The following ACOD1 variants were observed in gnomAD, a reference collection of about 807,000 sequenced individuals.
ACOD1 encodes the protein aconitate decarboxylase 1.
ACOD1 carries 14 observed loss-of-function variants against 14.2 expected under a neutral mutation model. That is an observed-to-expected ratio of 0.99 (90% CI 0.65 to 1.54). ACOD1 has a LOEUF of 1.54. ACOD1 is among the 40% of genes most tolerant of loss of function. The pLI, the probability that ACOD1 is intolerant of heterozygous loss-of-function variation, is 0.00. For synonymous variants in ACOD1, 182 were observed against 221.7 expected (o/e 0.82, Z 1.59); for missense variants, 530 against 586.3 (o/e 0.90, Z 0.99).
chr13:76,955,842 G>A (rs954209494), intron 4 of ACOD1, among the ~76,000 whole-genome samples: 10 of 152,122 alleles, frequency 6.6e-5, no homozygotes, highest in Non-Finnish European at 1.0e-4. Flanking sequence ...ACTAGCTAGC[G>A]TCCCTCAGAC....
intron 2 of ACOD1, among the ~76,000 whole-genome samples, chr13:76,952,856 G>A: frequency 6.6e-6 from 1 of 152,176 alleles, no homozygotes. Context: ...TACACAGTGA[G>A]GCACAGTGGC....
chr13:76,953,664 A>G lies in ACOD1; in HGVS notation c.239A>G (p.Tyr80Cys). ...CCAGACATCAGGCTCCCGCCCACATATGCTGCTTTTGTGAACGGTGTGGCT... is the reference window on the plus strand; with the variant it reads ...CCAGACATCAGGCTCCCGCCCACATGTGCTGCTTTTGTGAACGGTGTGGCT... Reference protein sequence around the residue: ...GQPDIRLPPTYAAFVNGVAIH... With the variant: ...GQPDIRLPPTCAAFVNGVAIH... The change falls in exon 3 of 5, where the codon TAT (tyrosine) becomes TGT (cysteine). Residue 80 changes from tyrosine to cysteine, a missense_variant. Tyr to Cys is a radical substitution (Grantham distance 194). Coordinates refer to ENST00000377462, the MANE Select transcript of ACOD1 (RefSeq NM_001258406.2). 1 of 1,547,904 alleles carries G rather than the reference A, an allele frequency of 6.5e-7. No homozygotes were observed. Among genetic ancestry groups the G allele is most frequent in the South Asian group, 1.2e-5 (1 of 83,966 alleles).
At chr13:76,953,204 T>C (rs1222112083) in intron 2 of ACOD1, among the ~76,000 whole-genome samples, 2 of 152,212 alleles carry the variant, frequency 1.3e-5, no homozygotes, top group Admixed American at 6.5e-5. Context: ...TTTATTATTA[T>C]TATTCTCTGG....
chr13:76,957,927 C>A lies in ACOD1; in HGVS notation c.1388C>A (p.Pro463Gln). ...ACTACACTTCTCAAAGGACCCTCTC[C>A]ACCAGAGGTAGCTTCAAACTCTCCA... Reference protein sequence around the residue: ...VLTTLLKGPSPPEVASNSPAC... With the variant: ...VLTTLLKGPSQPEVASNSPAC... The change falls in exon 5 of 5, where the codon CCA becomes CAA. Residue 463 changes from proline to glutamine, a missense_variant. Coordinates refer to ENST00000377462, the MANE Select transcript of ACOD1 (RefSeq NM_001258406.2). 1 of 1,548,636 alleles carries A rather than the reference C, an allele frequency of 6.5e-7. No individual in the cohort carries two copies. The highest frequency in any genetic ancestry group is 8.7e-7 in the Non-Finnish European group (1 of 1,146,324).
chr13:76,951,200 A>G (rs942087103), intron 1 of ACOD1, among the ~76,000 whole-genome samples: 8 of 152,188 alleles, frequency 5.3e-5, no homozygotes, highest in Non-Finnish European at 1.2e-4. Context: ...TATTTACACC[A>G]TATCCCATAT....
chr13:76,956,327 A>G (rs1020530518), intron 4 of ACOD1, among the ~76,000 whole-genome samples: 4 of 151,872 alleles, frequency 2.6e-5, no homozygotes, highest in African/African-American at 9.7e-5. Context: ...TCAGCCTCCC[A>G]AGTAGCTGGG....
At chr13:76,956,669 C>T (rs560342696) in intron 4 of ACOD1, among the ~76,000 whole-genome samples, 30 of 152,248 alleles carry the variant, frequency 2.0e-4, no homozygotes, top group Non-Finnish European at 3.4e-4. Flanking sequence ...CCCACCACCA[C>T]ATCCGGCAAA....
At chr13:76,949,633 C>T (rs1208668088) in intron 1 of ACOD1, among the ~76,000 whole-genome samples, 12 of 152,122 alleles carry the variant, frequency 7.9e-5, no homozygotes, top group Non-Finnish European at 1.5e-4. Flanking sequence ...TCCCCCACTG[C>T]TCCCCAGTCT....
rs2033863554 is a variant in ACOD1 at position 76,955,306 on chromosome 13, T to C, written c.265-13T>C. 6.5e-7 allele frequency: 1 copy of C among 1,548,212 alleles called. No homozygotes were observed. Among genetic ancestry groups the C allele is most frequent in the Non-Finnish European group, 8.7e-7 (1 of 1,145,866 alleles). On this transcript the variant is annotated splice_polypyrimidine_tract_variant and intron_variant, in intron 3 of 4. Coordinates refer to ENST00000377462, the MANE Select transcript of ACOD1 (RefSeq NM_001258406.2). ...TTAAGGCTTTTTGTTGCTGTTTGTGTCTGTTTATACAGATTCACTCCATGG... is the reference window on the plus strand; with the variant it reads ...TTAAGGCTTTTTGTTGCTGTTTGTGCCTGTTTATACAGATTCACTCCATGG...
Position 76,957,517 on chromosome 13 carries a change from G to A in ACOD1, c.978G>A (p.Ser326=), listed in dbSNP as rs7995462. ...ATGTAAACAGGCCCTTTCCAGTTTC[G>A]GAGCATGAAGCCCGTCATTCATTCC... is the stretch of plus-strand genomic sequence containing the variant. ...VQYVNRPFPV[S]EHEARHSFQY... is the part of the protein sequence containing the mutation. Residue 326 remains serine (S), a synonymous_variant, in exon 5 of 5, where the codon TCG becomes TCA. Coordinates refer to ENST00000377462, the MANE Select transcript of ACOD1 (RefSeq NM_001258406.2). 41,299 of 1,550,530 alleles carry A rather than the reference G, an allele frequency of 0.027. 650 individuals are homozygous for A. The highest frequency in any genetic ancestry group is 0.032 in the Non-Finnish European group (36,651 of 1,146,962).
intron 1 of ACOD1, among the ~76,000 whole-genome samples, chr13:76,951,487 T>G (rs549505912): frequency 6.6e-6 from 1 of 152,220 alleles, no homozygotes; most frequent in Non-Finnish European, 1.5e-5. Context: ...CCATCTGCCT[T>G]GGTCTCCCAA....
In ACOD1 at chr13:76,957,783, A is replaced by T. The variant is rs1388296339; in HGVS notation, c.1244A>T (p.Gln415Leu). 11 of 1,550,884 alleles carry T rather than the reference A, an allele frequency of 7.1e-6. No individual in the cohort carries two copies. Among genetic ancestry groups the T allele is most frequent in the Non-Finnish European group, 9.6e-6 (11 of 1,147,066 alleles). ...GGGCACTGGAGAAAACCACTGAGCCAGGAGGACCTAGAGGAAAAGTTCAGA... is the reference window on the plus strand; with the variant it reads ...GGGCACTGGAGAAAACCACTGAGCCTGGAGGACCTAGAGGAAAAGTTCAGA... ...FYGHWRKPLS[Q>L]EDLEEKFRAN... Residue 415 changes from glutamine (Q) to leucine (L), a missense_variant, in exon 5 of 5, where the codon CAG becomes CTG. Gln to Leu is a moderately radical substitution (Grantham distance 113). Transcript: ENST00000377462.
chr13:76,954,079 T>C (rs1462077696), intron 3 of ACOD1, among the ~76,000 whole-genome samples: 1 of 152,230 alleles, frequency 6.6e-6, no homozygotes, highest in African/African-American at 2.4e-5. Flanking sequence ...CATTCATCCA[T>C]TCAACAGATA....
intron 3 of ACOD1, among the ~76,000 whole-genome samples, chr13:76,954,569 G>T (rs561877731): frequency 1.3e-5 from 2 of 152,178 alleles, no homozygotes; most frequent in Non-Finnish European, 2.9e-5. Flanking sequence ...TAATAAAAAG[G>T]TACAAAAACG....
intron 4 of ACOD1, 114 bp downstream of exon 4, chr13:76,955,638 A>C: frequency 1.2e-6 from 1 of 863,430 alleles, no homozygotes. Flanking sequence ...TGTTAACATT[A>C]GCACAGGTAG....
rs951368427 is a variant in ACOD1 at position 76,953,164 on chromosome 13, G to GA, written c.175-428dup. ...TTAAAAACAAACAAACAAATAAACA[G>GA]AAAAAAAATATGCTAATAATATCTC... is the stretch of plus-strand genomic sequence containing the variant. On this transcript the variant is annotated intron_variant, in intron 2 of 4. Transcript: ENST00000377462. Among the ~76,000 whole-genome samples, 75 of 151,754 alleles carry GA rather than the reference G, an allele frequency of 4.9e-4. 1 individual carries two copies. The highest frequency in any genetic ancestry group is 6.8e-3 in the Middle Eastern group (2 of 294).
At chr13:76,954,211 A>T (rs1451487765) in intron 3 of ACOD1, among the ~76,000 whole-genome samples, 1 of 152,192 alleles carries the variant, frequency 6.6e-6, no homozygotes, top group Non-Finnish European at 1.5e-5. Context: ...ATTCTACAAG[A>T]TGTAACTTGG....
In ACOD1 at chr13:76,958,013, A is replaced by AT. The variant is rs2137751666; in HGVS notation, c.*31dup. ...CTTACCAACATCTAAATGACTTTGCATTTGGGGAGATTCAATGATTTGGTT... is the reference window on the plus strand; with the variant it reads ...CTTACCAACATCTAAATGACTTTGCATTTTGGGGAGATTCAATGATTTGGTT... On this transcript the variant is annotated 3_prime_UTR_variant, in exon 5 of 5. Transcript: ENST00000377462. 2 of 1,466,648 alleles carry AT rather than the reference A, an allele frequency of 1.4e-6. No homozygotes were observed. The highest frequency in any genetic ancestry group is 2.8e-5 in the African/African-American group (2 of 70,278). 90.9% of individuals were successfully genotyped at this position (1,466,648 alleles called of 1,614,324 possible). A position where few individuals can be genotyped will look rare whatever the true frequency, so the allele number is the denominator to read the frequency against.
At chr13:76,948,594 T>TTA (rs1480376996) in intron 1 of ACOD1, 24 bp downstream of exon 1, 3 of 362,870 alleles carry the variant, frequency 8.3e-6, no homozygotes, top group Non-Finnish European at 1.5e-5. Context: ...TTATGTGACT[T>TTA]ACTTAAATTG....
Sources: gnomAD v4.1 joint callset for allele counts (sites outside exome capture counted in the v4.1 genomes callset) on GRCh38, gnomAD v4.1.1 for gene constraint, MANE v1.5 for transcripts, NCBI Gene and HGNC (gene_info 2026-07-23, HGNC 2026-07-21) for gene names.